SDC2: variants seen among roughly 807,000 people sequenced by gnomAD.
SDC2 encodes the protein syndecan 2, also known as syndecan-2.
SDC2 carries 13 observed loss-of-function variants against 22.2 expected under a neutral mutation model. The observed-to-expected ratio is 0.59, with a 90% CI of 0.38 to 0.93. The LOEUF is 0.93. Among genes scored for constraint, SDC2 ranks in the 40% least tolerant of loss-of-function variants. SDC2 has a pLI of 0.00. For missense variants in SDC2, 235 were observed against 246.8 expected (o/e 0.95, Z 0.32); for synonymous variants, 94 against 92.8 (o/e 1.01, Z -0.07).
intron 1 of SDC2, among the ~76,000 whole-genome samples, chr8:96,516,304 C>T (rs192533950): frequency 2.2e-4 from 34 of 152,140 alleles, no homozygotes; most frequent in Admixed American, 7.9e-4. Flanking sequence ...ACATAGCAAG[C>T]GTTATCTAGA....
intron 1 of SDC2, among the ~76,000 whole-genome samples, chr8:96,569,974 C>A (rs1050961706): frequency 1.3e-5 from 2 of 152,156 alleles, no homozygotes; most frequent in African/African-American, 4.8e-5. Context: ...TGAAGCAGTC[C>A]AGAGTCACCT....
chr8:96,537,739 G>A (rs1813776665), intron 1 of SDC2, among the ~76,000 whole-genome samples: 2 of 151,862 alleles, frequency 1.3e-5, no homozygotes, highest in African/African-American at 4.8e-5. Context: ...TGAATATGAA[G>A]GATAACTTAG....
chr8:96,588,785 A>C (rs1192097559), intron 1 of SDC2, among the ~76,000 whole-genome samples: 1 of 152,210 alleles, frequency 6.6e-6, no homozygotes, highest in African/African-American at 2.4e-5. Flanking sequence ...AATTATTTTG[A>C]CCACTGTGTT....
chr8:96,507,471 A>G (rs1813260216), intron 1 of SDC2, among the ~76,000 whole-genome samples: 2 of 152,214 alleles, frequency 1.3e-5, no homozygotes, highest in Non-Finnish European at 2.9e-5. Context: ...ACTGTGCTCC[A>G]ACTAATTCCT....
At chr8:96,527,222 C>T (rs886215760) in intron 1 of SDC2, among the ~76,000 whole-genome samples, 1 of 149,214 alleles carries the variant, frequency 6.7e-6, no homozygotes, top group African/African-American at 2.5e-5. Context: ...TTGGGAGCTT[C>T]ATTATTTCTG....
At chr8:96,594,748 C>T (rs1229705061) in intron 2 of SDC2, among the ~76,000 whole-genome samples, 3 of 152,190 alleles carry the variant, frequency 2.0e-5, no homozygotes, top group Non-Finnish European at 4.4e-5. Flanking sequence ...TTAGTTGACT[C>T]ACAGTTCAGC....
intron 1 of SDC2, among the ~76,000 whole-genome samples, chr8:96,512,785 CTTATT>C (rs760871738): frequency 7.6e-4 from 115 of 152,208 alleles, no homozygotes; most frequent in Non-Finnish European, 1.5e-3. Flanking sequence ...CTTCTGATCT[CTTATT>C]TTAGTGGTTG....
chr8:96,594,247 T>G (rs547688792), intron 2 of SDC2, among the ~76,000 whole-genome samples: 1 of 152,186 alleles, frequency 6.6e-6, no homozygotes, highest in Non-Finnish European at 1.5e-5. Context: ...TTCTGTAGGT[T>G]GGTGATGTAG....
intron 1 of SDC2, among the ~76,000 whole-genome samples, chr8:96,568,548 A>G (rs1814337989): frequency 6.6e-6 from 1 of 152,224 alleles, no homozygotes. Flanking sequence ...AAACCTGGAA[A>G]TGGAGCTCTT....
rs1336584954 is a variant in SDC2, at chr8:96,509,214, T to C, written c.60+14883T>C. Among the ~76,000 whole-genome samples, 5 of 141,668 alleles carry C rather than the reference T, an allele frequency of 3.5e-5. 1 individual carries two copies. The highest frequency in any genetic ancestry group is 8.0e-5 in the Non-Finnish European group (5 of 62,182). 92.9% of individuals were successfully genotyped at this position (141,668 alleles called of 152,430 possible). ...GAGATTAGTCATAGTAGCCACCTCA[T>C]AGAGGTGTTGTGAGGGCTAATGCCT... On this transcript the variant is annotated intron_variant, in intron 1 of 4. Coordinates refer to ENST00000302190, the MANE Select transcript of SDC2 (RefSeq NM_002998.4).
intron 1 of SDC2, among the ~76,000 whole-genome samples, chr8:96,570,996 A>G (rs1814384826): frequency 6.6e-6 from 1 of 152,206 alleles, no homozygotes; most frequent in South Asian, 2.1e-4. Flanking sequence ...TAATGGTTGC[A>G]CAACGGTGTG....
At position 96,580,845 on chromosome 8, in the gene SDC2, T is replaced by C. The variant is rs111579565; in HGVS notation, c.61-12635T>C. The stretch of plus-strand genomic sequence containing the variant: ...GGGTACCCTATTAATTTGGGAAGAA[T>C]TGAATATCCTAGAGAGTATGGGGAT... On this transcript the variant is annotated intron_variant, in intron 1 of 4. Coordinates refer to ENST00000302190, the MANE Select transcript of SDC2 (RefSeq NM_002998.4). Among the ~76,000 whole-genome samples the C allele has an allele frequency of 2.3e-3, 351 of 152,282 alleles. 1 individual carries two copies. The highest frequency in any genetic ancestry group is 4.0e-3 in the Non-Finnish European group (274 of 68,028).
intron 1 of SDC2, among the ~76,000 whole-genome samples, chr8:96,502,211 G>T (rs930342997): frequency 3.3e-5 from 5 of 152,154 alleles, no homozygotes; most frequent in South Asian, 4.1e-4. Flanking sequence ...AAGAGAGCTT[G>T]TACAGGGGAA....
Position 96,576,368 on chromosome 8 carries a change from G to GTT in SDC2, c.61-17108_61-17107dup, listed in dbSNP as rs1481198542. On this transcript the variant is annotated intron_variant, in intron 1 of 4. Transcript: ENST00000302190. ...ACATAAGTTCAATAATTGGTAGTTT[G>GTT]TTTTTGTTTTGTTTTGTTTTTTTTT... 4.6e-3 allele frequency among the ~76,000 whole-genome samples: 77 copies of GTT among 16,590 alleles called. 6 individuals carry two copies. Among genetic ancestry groups the GTT allele is most frequent in the African/African-American group, 9.0e-3 (72 of 7,998 alleles). 10.9% of individuals were successfully genotyped at this position (16,590 alleles called of 152,430 possible).
At chr8:96,496,433 C>T (rs1338031082) in intron 1 of SDC2, among the ~76,000 whole-genome samples, 7 of 152,170 alleles carry the variant, frequency 4.6e-5, no homozygotes. Flanking sequence ...AAAATGTCAA[C>T]TTAGAGACTA....
At chr8:96,502,481 A>C in intron 1 of SDC2, among the ~76,000 whole-genome samples, 1 of 93,632 alleles carries the variant, frequency 1.1e-5, no homozygotes, top group African/African-American at 3.5e-5. Context: ...ATAGAAGACT[A>C]CATGACTTGA....
rs1254966395 is a variant in SDC2, at chr8:96,609,416, CTT to C, written c.476_477del (p.Phe159CysfsTer17). 2 of 1,612,498 alleles carry C rather than the reference CTT, an allele frequency of 1.2e-6. No homozygotes were observed. The highest frequency in any genetic ancestry group is 1.3e-5 in the African/African-American group (1 of 74,824). On this transcript the variant is annotated frameshift_variant, in exon 5 of 5. Coordinates refer to ENST00000302190, the MANE Select transcript of SDC2 (RefSeq NM_002998.4). LOFTEE classifies it high-confidence loss of function. Reference sequence around the variant, plus strand: ...TTGCTGGTGGAGTTATTGGCTTTCTCTTTGCAATTTTTCTTATCCTGCTGTTG... The same window carrying C: ...TTGCTGGTGGAGTTATTGGCTTTCTCTGCAATTTTTCTTATCCTGCTGTTG... The part of the protein sequence containing the change: ...VIAGGVIGFL[F>X]AIFLILLLVY...
At chr8:96,579,116 T>C (rs1362882443) in intron 1 of SDC2, among the ~76,000 whole-genome samples, 1 of 152,238 alleles carries the variant, frequency 6.6e-6, no homozygotes, top group Non-Finnish European at 1.5e-5. Context: ...CTAATTTCAT[T>C]CACGTGGTAG....
At chr8:96,534,580 G>A (rs542515129) in intron 1 of SDC2, among the ~76,000 whole-genome samples, 5 of 151,978 alleles carry the variant, frequency 3.3e-5, no homozygotes, top group Admixed American at 6.6e-5. Flanking sequence ...GACTATAGGC[G>A]CATACCACCA....
Sources: gnomAD v4.1 joint callset for allele counts (sites outside exome capture counted in the v4.1 genomes callset) on GRCh38, gnomAD v4.1.1 for gene constraint, MANE v1.5 for transcripts, NCBI Gene and HGNC (gene_info 2026-07-23, HGNC 2026-07-21) for gene names.